PPP2R2B: variants seen among roughly 807,000 people sequenced by gnomAD.
PPP2R2B encodes the protein serine/threonine-protein phosphatase 2A 55 kDa regulatory subunit B beta isoform.
In PPP2R2B, 5 loss-of-function variants were observed where a neutral mutation model predicts 46.0. That is an observed-to-expected ratio of 0.11 (90% CI 0.06 to 0.23). The LOEUF (loss-of-function observed/expected upper bound fraction) is 0.23. Ranked by LOEUF, PPP2R2B falls within the 10% of genes least tolerant of loss-of-function variation. The probability of loss-of-function intolerance (pLI) is 1.00; values close to 1 mark genes in which losing one functional copy is unlikely to be tolerated. For synonymous variants in PPP2R2B, 215 were observed against 206.7 expected, an observed-to-expected ratio of 1.04 and a Z score of -0.34; for missense variants, 367 against 575.0, an observed-to-expected ratio of 0.64 and a Z score of 3.70.
At chr5:146,799,843 G>A (rs1756760414) in intron 2 of PPP2R2B, among the ~76,000 whole-genome samples, 1 of 152,150 alleles carries the variant, frequency 6.6e-6, no homozygotes, top group South Asian at 2.1e-4. Context: ...ACTGACCACA[G>A]GCCATTTGTT....
intron 2 of PPP2R2B, among the ~76,000 whole-genome samples, chr5:146,761,465 G>A (rs1754159752): frequency 6.6e-6 from 1 of 152,142 alleles, no homozygotes; most frequent in South Asian, 2.1e-4. Flanking sequence ...ATTGAACAAT[G>A]AGAACACATG....
intron 7 of PPP2R2B, among the ~76,000 whole-genome samples, chr5:146,619,113 A>G (rs1017752610): frequency 6.6e-6 from 1 of 152,122 alleles, no homozygotes; most frequent in Non-Finnish European, 1.5e-5. Flanking sequence ...CATTTGCACC[A>G]GAGTTGAATA....
chr5:146,745,160 C>CAG (rs747573157), intron 2 of PPP2R2B, among the ~76,000 whole-genome samples: 3,201 of 94,992 alleles, frequency 0.034, 72 homozygotes, highest in East Asian at 0.091. Flanking sequence ...CAGAGAAAGA[C>CAG]AGAGAGAGAG....
At chr5:147,065,120 G>A (rs1329396893) in intron 2 of PPP2R2B, among the ~76,000 whole-genome samples, 1 of 152,162 alleles carries the variant, frequency 6.6e-6, no homozygotes, top group Admixed American at 6.5e-5. Context: ...CTGTCTTCAT[G>A]CAGAGTATGG....
intron 2 of PPP2R2B, among the ~76,000 whole-genome samples, chr5:146,822,051 T>A (rs1758295081): frequency 6.6e-6 from 1 of 152,222 alleles, no homozygotes; most frequent in South Asian, 2.1e-4. Flanking sequence ...TGTCTCACAT[T>A]TCAAAAATGA....
chr5:146,783,493 A>C (rs564164870), intron 2 of PPP2R2B, among the ~76,000 whole-genome samples: 2 of 152,354 alleles, frequency 1.3e-5, no homozygotes, highest in Admixed American at 1.3e-4. Flanking sequence ...AAATAGCATA[A>C]GCAATTTAAA....
intron 2 of PPP2R2B, among the ~76,000 whole-genome samples, chr5:146,858,563 A>G (rs1016498145): frequency 4.0e-5 from 6 of 151,882 alleles, no homozygotes; most frequent in Non-Finnish European, 8.8e-5. Flanking sequence ...GAAATGAGGC[A>G]AAAAAAATAC....
chr5:146,830,557 C>T (rs914173775), intron 2 of PPP2R2B, among the ~76,000 whole-genome samples: 2 of 150,758 alleles, frequency 1.3e-5, no homozygotes, highest in African/African-American at 2.4e-5. Context: ...TGGAGTCTCA[C>T]TCTGTCGCCC....
intron 1 of PPP2R2B, among the ~76,000 whole-genome samples, chr5:146,959,567 C>T (rs2151840846): frequency 6.6e-6 from 1 of 152,124 alleles, no homozygotes; most frequent in African/African-American, 2.4e-5. Context: ...TGTGGTGGTG[C>T]TGGGGAACTG....
chr5:146,995,374 C>T (rs1256965057), intron 1 of PPP2R2B, among the ~76,000 whole-genome samples: 2 of 152,146 alleles, frequency 1.3e-5, no homozygotes, highest in African/African-American at 4.8e-5. Context: ...GAAAAAGCTA[C>T]ACTCTGTGTT....
At chr5:146,742,274 T>C (rs1206866754) in intron 2 of PPP2R2B, among the ~76,000 whole-genome samples, 6 of 152,170 alleles carry the variant, frequency 3.9e-5, no homozygotes, top group Non-Finnish European at 2.9e-5. Flanking sequence ...AAGCCTCTGA[T>C]GCAGGGGACT....
chr5:146,634,462 G>A (rs191886883), intron 7 of PPP2R2B, among the ~76,000 whole-genome samples: 1 of 152,186 alleles, frequency 6.6e-6, no homozygotes, highest in African/African-American at 2.4e-5. Flanking sequence ...AGCCTCCTGA[G>A]TAACTGGGAC....
chr5:146,715,875 T>C (rs1183760292), intron 2 of PPP2R2B, among the ~76,000 whole-genome samples: 1 of 152,200 alleles, frequency 6.6e-6, no homozygotes, highest in Non-Finnish European at 1.5e-5. Flanking sequence ...TTTTACTTCT[T>C]AACACAGCAG....
chr5:146,738,658 G>A (rs1327549460), intron 2 of PPP2R2B, among the ~76,000 whole-genome samples: 1 of 152,102 alleles, frequency 6.6e-6, no homozygotes, highest in East Asian at 1.9e-4. Context: ...GTCTCCTTCT[G>A]TGTGTACCAA....
chr5:146,670,702 G>A (rs751743123), intron 5 of PPP2R2B, among the ~76,000 whole-genome samples: 10 of 151,930 alleles, frequency 6.6e-5, no homozygotes, highest in African/African-American at 9.7e-5. Flanking sequence ...CATCATGTCA[G>A]CCAGGCTGGT....
chr5:146,877,735 G>A (rs1381560374), intron 2 of PPP2R2B, among the ~76,000 whole-genome samples: 3 of 152,136 alleles, frequency 2.0e-5, no homozygotes, highest in South Asian at 2.1e-4. Context: ...CTTTCTGGGC[G>A]AGAGCCCCAC....
At chr5:146,784,185 T>TA in intron 2 of PPP2R2B, among the ~76,000 whole-genome samples, 1 of 152,338 alleles carries the variant, frequency 6.6e-6, no homozygotes, top group African/African-American at 2.4e-5. Context: ...TCTAGTTTTT[T>TA]CTGTAAATAG....
intron 1 of PPP2R2B, among the ~76,000 whole-genome samples, chr5:147,034,204 T>C (rs375877869): frequency 4.3e-4 from 65 of 152,310 alleles, no homozygotes; most frequent in African/African-American, 1.3e-3. Flanking sequence ...TCCTCTCCCC[T>C]GGTTTTTGTA....
intron 2 of PPP2R2B, among the ~76,000 whole-genome samples, chr5:146,846,105 T>G (rs1239836553): frequency 1.3e-5 from 2 of 152,174 alleles, no homozygotes; most frequent in African/African-American, 2.4e-5. Context: ...TCTGGCCAGG[T>G]GCAGTGGCTC....
Sources: allele counts gnomAD v4.1 joint callset (sites outside exome capture counted in the v4.1 genomes callset), GRCh38; gene constraint gnomAD v4.1.1; transcripts MANE v1.5; gene names NCBI Gene and HGNC (gene_info 2026-07-23, HGNC 2026-07-21).